The following TSC2 variants were observed in gnomAD, a reference collection of about 807,000 sequenced individuals.
TSC2 encodes tuberin.
TSC2 carries 29 observed loss-of-function variants against 202.2 expected under a neutral mutation model. The observed-to-expected ratio is 0.14, with a 90% CI of 0.11 to 0.20. The LOEUF (loss-of-function observed/expected upper bound fraction) is 0.20, where lower values mean the gene tolerates loss of function less well. Among genes scored for constraint, TSC2 ranks in the 10% least tolerant of loss-of-function variants. TSC2 has a pLI of 1.00. For missense variants in TSC2, 2,429 were observed against 2,420.0 expected, an observed-to-expected ratio of 1.00 and a Z score of -0.08; for synonymous variants, 1,349 against 1,044.0, an observed-to-expected ratio of 1.29 and a Z score of -5.63.
chr16:2,088,685 G>C lies in TSC2; in HGVS notation c.*75G>C. ...TGAAATAAATAAAGTCCTGACCCCA[G>C]TGCACAGACATAGAGGCACAGATTG... On this transcript the variant is annotated 3_prime_UTR_variant, in exon 42 of 42. Coordinates refer to ENST00000219476, the MANE Select transcript of TSC2 (RefSeq NM_000548.5). 6.6e-7 allele frequency: 1 copy of C among 1,521,234 alleles called. No homozygotes were observed. Among genetic ancestry groups the C allele is most frequent in the South Asian group, 1.2e-5 (1 of 84,430 alleles). The allele number at this position is 1,521,234 out of a possible 1,614,324, so 94.2% of individuals were successfully genotyped here.
intron 30 of TSC2, chr16:2,081,055 G>A (rs1001080537): frequency 4.1e-5 from 8 of 193,322 alleles, no homozygotes; most frequent in African/African-American, 1.4e-4. Flanking sequence ...GGAGGAAACC[G>A]GTCATGGCTT....
At chr16:2,050,555 T>C (rs2084977762) in intron 3 of TSC2, 69 bp downstream of exon 3, 1 of 1,396,560 alleles carries the variant, frequency 7.2e-7, no homozygotes, top group South Asian at 1.2e-5. Context: ...TTGCTTTTTT[T>C]AGGAACATGG....
chr16:2,056,010 T>C, intron 6 of TSC2, 186 bp from the exon 7 acceptor site: 1 of 703,704 alleles, frequency 1.4e-6, no homozygotes, highest in Non-Finnish European at 2.6e-6. Context: ...TCACTCATGC[T>C]GAACACCCAG....
At chr16:2,069,479 G>A (rs1382928519) in intron 16 of TSC2, among the ~76,000 whole-genome samples, 1 of 149,632 alleles carries the variant, frequency 6.7e-6, no homozygotes, top group Non-Finnish European at 1.5e-5. Context: ...CACCACACCT[G>A]GCTAATTTTT....
intron 14 of TSC2, chr16:2,064,053 C>A: frequency 1.4e-6 from 1 of 694,672 alleles, no homozygotes; most frequent in Non-Finnish European, 2.5e-6. Flanking sequence ...CCCTGCGGTG[C>A]TCACCAGCCT....
intron 16 of TSC2, among the ~76,000 whole-genome samples, chr16:2,066,041 A>T (rs1269554355): frequency 1.3e-5 from 2 of 152,122 alleles, no homozygotes; most frequent in African/African-American, 4.8e-5. Context: ...CACAGTGAAC[A>T]GTTCAGTGGT....
intron 39 of TSC2, 42 bp downstream of exon 39, chr16:2,087,983 C>T (rs538790873): frequency 1.2e-4 from 197 of 1,611,322 alleles, no homozygotes; most frequent in East Asian, 7.8e-4. Context: ...AAGGTAGGGC[C>T]GGGTGGGGCC....
chr16:2,064,058 C>G (rs1175777324), intron 14 of TSC2: 7 of 718,386 alleles, frequency 9.7e-6, no homozygotes, highest in Admixed American at 8.5e-5. Context: ...CGGTGCTCAC[C>G]AGCCTTCTGA....
rs151007130 is a variant in TSC2, at chr16:2,057,287, G to A, written c.848+109G>A. 1.3e-3 allele frequency: 1,803 copies of A among 1,343,520 alleles called. 33 individuals are homozygous for A. The East Asian group carries it at 0.036, about 27-fold the overall frequency. 83.2% of individuals were successfully genotyped at this position (1,343,520 alleles called of 1,614,324 possible). ...TGGCTTAGAGAGTCCTTGTCCTCTC[G>A]GGCAGCTGTTCCAGAGGCTGCCACT... On this transcript the variant is annotated intron_variant, in intron 9 of 41. Transcript: ENST00000219476.
chr16:2,073,797 A>G (rs190420105), intron 21 of TSC2, among the ~76,000 whole-genome samples: 2 of 152,338 alleles, frequency 1.3e-5, no homozygotes, highest in East Asian at 3.9e-4. Context: ...ACTGCCTGGC[A>G]GGCCATCTGG....
At chr16:2,082,985 G>C in intron 32 of TSC2, 1 of 395,818 alleles carries the variant, frequency 2.5e-6, no homozygotes, top group South Asian at 1.8e-5. Context: ...CCAAGCCCTG[G>C]TGGGGAGTGC....
intron 16 of TSC2, among the ~76,000 whole-genome samples, chr16:2,069,605 A>G (rs1202597111): frequency 3.3e-5 from 5 of 151,692 alleles, no homozygotes; most frequent in East Asian, 1.9e-4. Flanking sequence ...TCAGCCTCCC[A>G]AGTAGCTGGG....
rs1438241694 is a variant in TSC2 at position 2,089,012 on chromosome 16, G to A, written c.*402G>A. 1 of 228,596 alleles carries A rather than the reference G, an allele frequency of 4.4e-6. No homozygotes were observed. Among genetic ancestry groups the A allele is most frequent in the East Asian group, 9.8e-5 (1 of 10,210 alleles). The allele number at this position is 228,596 out of a possible 1,614,324, so 14.2% of individuals were successfully genotyped here. On this transcript the variant is annotated 3_prime_UTR_variant, in exon 42 of 42. Coordinates refer to ENST00000219476, the MANE Select transcript of TSC2 (RefSeq NM_000548.5). ...TACTTGCCCAGACCTGATGCCAGCA[G>A]GCCTGGGCGCTGCTCTCTTGCTACC...
Position 2,057,078 on chromosome 16 carries a change from GC to G in TSC2, c.775-23del. ...CTGGGGGCAGGGCTTATGCCTGCCAGCCCCTGACACGCATTGTGTCTCGCAG... is the reference window on the plus strand; with the variant it reads ...CTGGGGGCAGGGCTTATGCCTGCCAGCCCTGACACGCATTGTGTCTCGCAG... On this transcript the variant is annotated intron_variant, in intron 8 of 41. Coordinates refer to ENST00000219476, the MANE Select transcript of TSC2 (RefSeq NM_000548.5). 2.6e-6 allele frequency: 4 copies of G among 1,550,598 alleles called. No homozygotes were observed. In the African/African-American group the frequency reaches 4.1e-5, roughly 16 times the overall value.
At chr16:2,076,631 G>C (rs1363632764) in intron 25 of TSC2, 46 bp downstream of exon 25, 2 of 1,599,234 alleles carry the variant, frequency 1.3e-6, no homozygotes, top group Non-Finnish European at 1.7e-6. Flanking sequence ...GGGTGGGGAA[G>C]GACATGGGGC....
At chr16:2,050,115 C>A (rs1262621208) in intron 2 of TSC2, among the ~76,000 whole-genome samples, 1 of 151,998 alleles carries the variant, frequency 6.6e-6, no homozygotes, top group Non-Finnish European at 1.5e-5. Flanking sequence ...ACCACCACGC[C>A]CAGCAAATTT....
rs1189943599 is a variant in TSC2, at chr16:2,086,742, C to T, written c.4860C>T (p.His1620=). ...CCTGCTCACCCTCAGCCGTCTTCCACATCGCCACCCTGATGCCCACCAAGG... is the reference window on the plus strand; with the variant it reads ...CCTGCTCACCCTCAGCCGTCTTCCATATCGCCACCCTGATGCCCACCAAGG... ...WHDDIMQAVF[H]IATLMPTKDV... The change falls in exon 38 of 42, where the codon CAC becomes CAT. Residue 1620 remains histidine, a synonymous_variant. Transcript: ENST00000219476. 5 of 1,610,632 alleles carry T rather than the reference C, an allele frequency of 3.1e-6. No individual in the cohort carries two copies. The Admixed American group carries it at 5.0e-5, about 16-fold the overall frequency.
chr16:2,070,690 C>G, intron 17 of TSC2, 112 bp downstream of exon 17: 1 of 1,531,968 alleles, frequency 6.5e-7, no homozygotes, highest in Non-Finnish European at 8.8e-7. Flanking sequence ...GGGGCCTCAG[C>G]TGACCGTCCC....
rs977455794 is a variant in TSC2 at position 2,079,894 on chromosome 16, T to C, written c.3397+225T>C. Among the ~76,000 whole-genome samples, 4 of 152,184 alleles carry C rather than the reference T, an allele frequency of 2.6e-5. No individual in the cohort carries two copies. The highest frequency in any genetic ancestry group is 9.7e-5 in the African/African-American group (4 of 41,446). Reference sequence around the variant, plus strand: ...GGGGCCTGCTCTGGGTGCTGGTGTTTCCTGCGGGTTTTCAGCTCGGCTCAG... The same window carrying C: ...GGGGCCTGCTCTGGGTGCTGGTGTTCCCTGCGGGTTTTCAGCTCGGCTCAG... On this transcript the variant is annotated intron_variant, in intron 29 of 41. Coordinates refer to ENST00000219476, the MANE Select transcript of TSC2 (RefSeq NM_000548.5). This position sits in a 1 kb window ranked among gnomAD's most constrained non-coding sequence, Gnocchi z 4.6.
Sources: gnomAD v4.1 joint callset for allele counts (sites outside exome capture counted in the v4.1 genomes callset) on GRCh38, gnomAD v4.1.1 for gene constraint, Gnocchi (gnomAD v3.1) non-coding constraint, MANE v1.5 for transcripts, NCBI Gene and HGNC (gene_info 2026-07-23, HGNC 2026-07-21) for gene names.